The following SLF1 variants were observed in gnomAD, a reference collection of about 807,000 sequenced individuals.
The protein encoded by SLF1 is SMC5-SMC6 complex localization factor protein 1.
Under a neutral mutation model 123.0 loss-of-function variants are expected in SLF1, and 105 were observed. The observed-to-expected ratio is 0.85, with a 90% confidence interval of 0.73 to 1.00. The LOEUF (loss-of-function observed/expected upper bound fraction) is 1.00, where lower values mean the gene tolerates loss of function less well. Among genes scored for constraint, SLF1 ranks in the 50% least tolerant of loss-of-function variants. The pLI is 0.00. For synonymous variants in SLF1, 434 were observed against 406.6 expected (o/e 1.07, Z -0.81); for missense variants, 1,239 against 1,223.0 (o/e 1.01, Z -0.20).
At position 94,689,506 on chromosome 5, in the gene SLF1, A is replaced by T. The variant is rs761819137; in HGVS notation, c.2319A>T (p.Leu773Phe). Reference sequence around the variant, plus strand: ...ACCTTGCTAAATGTTCCTCATCATTAAAAAAATTGAAAAAGAAGTCAGAAG... The same window carrying T: ...ACCTTGCTAAATGTTCCTCATCATTTAAAAAATTGAAAAAGAAGTCAGAAG... ...DLNLAKCSSS[L>F]KKLKKKSEGE... Residue 773 changes from leucine to phenylalanine, a missense_variant, in exon 18 of 21, where the codon TTA becomes TTT. Leu to Phe is a conservative substitution (Grantham distance 22, BLOSUM62 0). Transcript: ENST00000265140. 6.2e-7 allele frequency: 1 copy of T among 1,611,572 alleles called. No individual in the cohort carries two copies. The highest frequency in any genetic ancestry group is 1.7e-5 in the Admixed American group (1 of 59,844).
chr5:94,660,603 C>T (rs985657899), intron 9 of SLF1, among the ~76,000 whole-genome samples: 1 of 152,130 alleles, frequency 6.6e-6, no homozygotes, highest in Admixed American at 6.5e-5. Context: ...ACAGTGGTGG[C>T]GGGTGGGGTA....
At chr5:94,672,740 C>T (rs1195852812) in intron 14 of SLF1, among the ~76,000 whole-genome samples, 3 of 152,048 alleles carry the variant, frequency 2.0e-5, no homozygotes, top group African/African-American at 7.2e-5. Context: ...ATGGCAATGA[C>T]ATTTATTATC....
At chr5:94,669,139 T>C (rs975725502) in intron 12 of SLF1, among the ~76,000 whole-genome samples, 1 of 152,182 alleles carries the variant, frequency 6.6e-6, no homozygotes, top group African/African-American at 2.4e-5. Flanking sequence ...ATGAATGAGC[T>C]AAGTAATACT....
chr5:94,682,852 A>G (rs1751970585), intron 15 of SLF1, among the ~76,000 whole-genome samples: 1 of 152,242 alleles, frequency 6.6e-6, no homozygotes. Context: ...AATTCGTTCA[A>G]TGTTAAGTAC....
chr5:94,695,036 T>C lies in SLF1; in HGVS notation c.2901T>C (p.Cys967=). ...FLLSRMLLNF[C]SIFDLSSEFI... ...TTAGTAGGATGTTGCTAAATTTTTG[T>C]TCAATTTTTGATTTATCTTCAGAGT... The change falls in exon 21 of 21, where the codon TGT becomes TGC. Residue 967 remains cysteine, a synonymous_variant. Transcript: ENST00000265140. 6.2e-7 allele frequency: 1 copy of C among 1,612,448 alleles called. No homozygotes were observed.
At chr5:94,691,906 T>A (rs1403845774) in intron 19 of SLF1, among the ~76,000 whole-genome samples, 168 bp from the exon 20 acceptor site, 1 of 152,172 alleles carries the variant, frequency 6.6e-6, no homozygotes, top group Non-Finnish European at 1.5e-5. Context: ...TTTATTTTAA[T>A]TTTTTAAGGT....
At chr5:94,635,000 C>T (rs563453379) in intron 4 of SLF1, among the ~76,000 whole-genome samples, 2 of 152,270 alleles carry the variant, frequency 1.3e-5, no homozygotes, top group East Asian at 3.9e-4. Context: ...CCTCTTCATT[C>T]TCTTAAATGT....
rs192103785 is a variant in SLF1, at chr5:94,674,455, T to A, written c.1827+3447T>A. 3.3e-3 allele frequency among the ~76,000 whole-genome samples: 496 copies of A among 152,346 alleles called. 2 individuals carry two copies. Among genetic ancestry groups the A allele is most frequent in the African/African-American group, 0.011 (477 of 41,584 alleles). On this transcript the variant is annotated intron_variant, in intron 14 of 20. Coordinates refer to ENST00000265140, the MANE Select transcript of SLF1 (RefSeq NM_032290.4). Reference sequence around the variant, plus strand: ...ATTAATATTTTATTTAACATTTGAATTGCTTAAATTGATATAAAACTGCTT... The same window carrying A: ...ATTAATATTTTATTTAACATTTGAAATGCTTAAATTGATATAAAACTGCTT...
chr5:94,679,874 C>G (rs1430486547), intron 15 of SLF1, among the ~76,000 whole-genome samples: 1 of 152,090 alleles, frequency 6.6e-6, no homozygotes, highest in East Asian at 1.9e-4. Context: ...CCATAAAGAC[C>G]TTATGTAGAT....
intron 9 of SLF1, among the ~76,000 whole-genome samples, chr5:94,660,689 G>A (rs944107957): frequency 3.3e-5 from 5 of 152,176 alleles, no homozygotes; most frequent in Admixed American, 3.3e-4. Context: ...TAAGCCCTGG[G>A]ACAACCCCCC....
At chr5:94,676,294 C>A (rs1751051895) in intron 14 of SLF1, among the ~76,000 whole-genome samples, 1 of 152,162 alleles carries the variant, frequency 6.6e-6, no homozygotes, top group Non-Finnish European at 1.5e-5. Flanking sequence ...TCAGAGTGAT[C>A]AAGCAAGATA....
Position 94,630,538 on chromosome 5 carries a change from A to G in SLF1, c.226A>G (p.Ser76Gly). The change falls in exon 4 of 21, where the codon AGT becomes GGT. Residue 76 changes from serine to glycine, a missense_variant. Ser to Gly is a moderately conservative substitution (Grantham distance 56). Transcript: ENST00000265140. ...ACTAACCAAGGACTATATAATTCAT[A>G]GTGCCAAAAGTGGCAGATGGCTTGA... Reference protein sequence around the residue: ...WILTKDYIIHSAKSGRWLDET... With the variant: ...WILTKDYIIHGAKSGRWLDET... 6.4e-7 allele frequency: 1 copy of G among 1,551,574 alleles called. No individual in the cohort carries two copies. The highest frequency in any genetic ancestry group is 1.4e-5 in the African/African-American group (1 of 73,178).
At chr5:94,661,577 C>T (rs1158949856) in intron 9 of SLF1, among the ~76,000 whole-genome samples, 2 of 151,516 alleles carry the variant, frequency 1.3e-5, no homozygotes, top group Non-Finnish European at 2.9e-5. Context: ...CTCTGTTGCC[C>T]AGGCTGGAGT....
intron 8 of SLF1, among the ~76,000 whole-genome samples, chr5:94,653,771 T>G (rs1472528175): frequency 1.3e-5 from 2 of 152,196 alleles, no homozygotes; most frequent in African/African-American, 2.4e-5. Context: ...ATTTTGCTCT[T>G]TTGTATAGTA....
chr5:94,668,424 C>T (rs1045416959), intron 12 of SLF1, among the ~76,000 whole-genome samples: 6 of 151,992 alleles, frequency 3.9e-5, no homozygotes, highest in African/African-American at 9.6e-5. Flanking sequence ...ACCTCCGCCT[C>T]GCAGGATCAA....
chr5:94,658,166 T>G (rs1365204211), intron 9 of SLF1, among the ~76,000 whole-genome samples: 1 of 151,492 alleles, frequency 6.6e-6, no homozygotes, highest in Non-Finnish European at 1.5e-5. Flanking sequence ...TTTTTTGTTT[T>G]TTTTTTTTTA....
chr5:94,694,796 T>G (rs1317425776), intron 20 of SLF1, 35 bp from the exon 21 acceptor site: 1 of 1,518,130 alleles, frequency 6.6e-7, no homozygotes, highest in Non-Finnish European at 8.8e-7. Flanking sequence ...AATAGAAATG[T>G]TTTACTTGCA....
chr5:94,684,456 T>C (rs1752152947), intron 15 of SLF1, among the ~76,000 whole-genome samples: 2 of 152,086 alleles, frequency 1.3e-5, no homozygotes, highest in Non-Finnish European at 2.9e-5. Context: ...CCCAGCACTT[T>C]GGGAGGCCAA....
At chr5:94,633,430 T>G (rs1233644502) in intron 4 of SLF1, among the ~76,000 whole-genome samples, 3 of 152,240 alleles carry the variant, frequency 2.0e-5, no homozygotes, top group Non-Finnish European at 4.4e-5. Context: ...ATCCTAAACC[T>G]GATAAATGAC....
Sources: allele counts gnomAD v4.1 joint callset (sites outside exome capture counted in the v4.1 genomes callset), GRCh38; gene constraint gnomAD v4.1.1; transcripts MANE v1.5; gene names NCBI Gene and HGNC (gene_info 2026-07-23, HGNC 2026-07-21).